Variants in SGK3 observed in about 807,000 individuals in gnomAD.
The protein encoded by SGK3 is serine/threonine-protein kinase Sgk3.
A neutral mutation model predicts 68.5 loss-of-function variants in SGK3; 47 were observed. That is an observed-to-expected ratio of 0.69 (90% confidence interval 0.54 to 0.87). The LOEUF (loss-of-function observed/expected upper bound fraction) is 0.87. Among genes scored for constraint, SGK3 ranks in the 40% least tolerant of loss-of-function variants. SGK3 has a pLI of 0.00. For synonymous variants in SGK3, 181 were observed against 189.1 expected (o/e 0.96, Z 0.35); for missense variants, 479 against 575.5 (o/e 0.83, Z 1.72).
chr8:66,810,734 T>C (rs1487889225), intron 4 of SGK3, among the ~76,000 whole-genome samples: 2 of 152,150 alleles, frequency 1.3e-5, no homozygotes, highest in Non-Finnish European at 2.9e-5. Flanking sequence ...AAATCATACC[T>C]GAGAAAAACA....
At chr8:66,787,917 C>T (rs187632167) in intron 1 of SGK3, among the ~76,000 whole-genome samples, 13 of 152,328 alleles carry the variant, frequency 8.5e-5, no homozygotes, top group Non-Finnish European at 1.5e-4. Context: ...TGGCACTCCT[C>T]CTTACAGGTA....
At chr8:66,787,039 G>A (rs530008008) in intron 1 of SGK3, among the ~76,000 whole-genome samples, 45 of 135,586 alleles carry the variant, frequency 3.3e-4, no homozygotes, top group Non-Finnish European at 2.4e-4. Flanking sequence ...TTGTGTCCCA[G>A]TTCAAGCAAT....
rs555159889 is a variant in SGK3, at chr8:66,806,293, C to A, written c.253+1846C>A. Among the ~76,000 whole-genome samples, 34 of 151,734 alleles carry A rather than the reference C, an allele frequency of 2.2e-4. No individual in the cohort carries two copies. In the South Asian group the frequency reaches 5.0e-3, roughly 22 times the overall value. ...ATTTTCTGAAGGTGCAGACTTATGTCTTTTTTTATTGGCGAACAGTGGCAA... is the reference window on the plus strand; with the variant it reads ...ATTTTCTGAAGGTGCAGACTTATGTATTTTTTTATTGGCGAACAGTGGCAA... On this transcript the variant is annotated intron_variant, in intron 4 of 16. Coordinates refer to ENST00000521198, the MANE Select transcript of SGK3 (RefSeq NM_001033578.3).
chr8:66,717,757 G>T (rs947062772), intron 1 of SGK3, among the ~76,000 whole-genome samples: 1 of 152,112 alleles, frequency 6.6e-6, no homozygotes, highest in Admixed American at 6.6e-5. Context: ...GGGCTGGAGT[G>T]CAGTGGCATG....
chr8:66,770,667 TTCTG>T (rs1806479512), intron 1 of SGK3, among the ~76,000 whole-genome samples: 1 of 152,220 alleles, frequency 6.6e-6, no homozygotes, highest in African/African-American at 2.4e-5. Context: ...GCCAGTGCTA[TTCTG>T]TCTAATGCTT....
At chr8:66,850,966 TAGC>T in intron 16 of SGK3, 46 bp downstream of exon 16, 4 of 1,534,510 alleles carry the variant, frequency 2.6e-6, no homozygotes, top group Non-Finnish European at 3.5e-6. Flanking sequence ...TGAAACTTAA[TAGC>T]AGTTCATTGT....
rs976221479 is a variant in SGK3 at position 66,828,744 on chromosome 8, T to C, written c.467+41T>C. Reference sequence around the variant, plus strand: ...TTCAAACAATTTTTTAACTGAATTTTAGGAAGATCTTTTTTGAGCGTATGC... The same window carrying C: ...TTCAAACAATTTTTTAACTGAATTTCAGGAAGATCTTTTTTGAGCGTATGC... On this transcript the variant is annotated intron_variant, in intron 7 of 16. Coordinates refer to ENST00000521198, the MANE Select transcript of SGK3 (RefSeq NM_001033578.3). 11 of 1,608,534 alleles carry C rather than the reference T, an allele frequency of 6.8e-6. No individual in the cohort carries two copies. In the Admixed American group the frequency reaches 1.3e-4, roughly 20 times the overall value.
chr8:66,805,502 A>G (rs1485198572), intron 4 of SGK3, among the ~76,000 whole-genome samples: 1 of 150,486 alleles, frequency 6.6e-6, no homozygotes, highest in Non-Finnish European at 1.5e-5. Flanking sequence ...CCTGGGCGAC[A>G]GAGCGAGACT....
chr8:66,839,543 AT>A (rs1809702846), intron 10 of SGK3, among the ~76,000 whole-genome samples: 3 of 73,448 alleles, frequency 4.1e-5, no homozygotes, highest in Non-Finnish European at 7.9e-5. Context: ...ATATATATAT[AT>A]ATATATATAT....
At position 66,740,103 on chromosome 8, in the gene SGK3, A is replaced by C. The variant is rs553067614; in HGVS notation, c.-122+27270A>C. 2.8e-4 allele frequency among the ~76,000 whole-genome samples: 42 copies of C among 152,342 alleles called. No individual in the cohort carries two copies. In the East Asian group the frequency reaches 7.9e-3, roughly 29 times the overall value. On this transcript the variant is annotated intron_variant, in intron 1 of 16. Coordinates refer to ENST00000521198, the MANE Select transcript of SGK3 (RefSeq NM_001033578.3). ...CAGGGACAAACCTCATAGAAACAATAGCACACATTTTTGTACCAGAATTAT... is the reference window on the plus strand; with the variant it reads ...CAGGGACAAACCTCATAGAAACAATCGCACACATTTTTGTACCAGAATTAT...
At position 66,752,205 on chromosome 8, in the gene SGK3, G is replaced by A. The variant is rs139974982; in HGVS notation, c.-122+39372G>A. ...CTGATGACGTTTCGTTGAAGAGTGC[G>A]TAGTAGAGGGGGAAGACAAGACAGC... On this transcript the variant is annotated intron_variant, in intron 1 of 16. Coordinates refer to ENST00000521198, the MANE Select transcript of SGK3 (RefSeq NM_001033578.3). Among the ~76,000 whole-genome samples, 89 of 152,294 alleles carry A rather than the reference G, an allele frequency of 5.8e-4. 1 individual carries two copies. The highest frequency in any genetic ancestry group is 2.1e-3 in the African/African-American group (87 of 41,562).
chr8:66,784,148 G>A (rs1006528075), intron 1 of SGK3, among the ~76,000 whole-genome samples: 4 of 152,040 alleles, frequency 2.6e-5, no homozygotes, highest in East Asian at 3.9e-4. Flanking sequence ...GGATCCTTCC[G>A]CCTTAGCCTC....
chr8:66,839,537 A>ATATATATATATATATATG (rs1809699167), intron 10 of SGK3, among the ~76,000 whole-genome samples: 3 of 76,090 alleles, frequency 3.9e-5, no homozygotes, highest in Non-Finnish European at 7.8e-5. Context: ...ATATATATAT[A>ATATATATATATATATATG]TATATATATA....
intron 10 of SGK3, among the ~76,000 whole-genome samples, chr8:66,838,627 C>A (rs367563624): frequency 1.3e-5 from 2 of 152,092 alleles, no homozygotes; most frequent in East Asian, 3.9e-4. Context: ...CCTTTTTGTA[C>A]AGTGACTGCT....
intron 5 of SGK3, among the ~76,000 whole-genome samples, chr8:66,815,788 A>G (rs1193075675): frequency 2.0e-5 from 3 of 152,194 alleles, no homozygotes; most frequent in Admixed American, 2.0e-4. Flanking sequence ...GATGTGCAGT[A>G]TTATAAAGAT....
chr8:66,811,028 T>C (rs1426148652), intron 4 of SGK3, among the ~76,000 whole-genome samples: 1 of 152,202 alleles, frequency 6.6e-6, no homozygotes, highest in African/African-American at 2.4e-5. Flanking sequence ...TTTATTTATA[T>C]ATATGTTTTT....
intron 4 of SGK3, among the ~76,000 whole-genome samples, chr8:66,808,637 A>ATG (rs1563638828): frequency 7.0e-6 from 1 of 142,084 alleles, no homozygotes; most frequent in East Asian, 2.2e-4. Context: ...CCTCAACCTC[A>ATG]TGAGTAGCTG....
chr8:66,849,712 C>T (rs1810184358), intron 15 of SGK3, among the ~76,000 whole-genome samples: 1 of 151,586 alleles, frequency 6.6e-6, no homozygotes, highest in Admixed American at 6.6e-5. Context: ...CCTCCCACCT[C>T]AGCCCCCAAA....
chr8:66,758,036 A>ACACACACACACACACC (rs1448552273), intron 1 of SGK3, among the ~76,000 whole-genome samples: 1 of 146,952 alleles, frequency 6.8e-6, no homozygotes, highest in Admixed American at 6.9e-5. Flanking sequence ...ACACACACAC[A>ACACACACACACACACC]CCCTTTACAT....
Sources: allele counts gnomAD v4.1 joint callset (sites outside exome capture counted in the v4.1 genomes callset), GRCh38; gene constraint gnomAD v4.1.1; transcripts MANE v1.5; gene names NCBI Gene and HGNC (gene_info 2026-07-23, HGNC 2026-07-21).